Variants in PID1 observed in about 807,000 individuals in gnomAD.
The protein encoded by PID1 is PTB-containing, cubilin and LRP1-interacting protein.
PID1 carries 10 observed loss-of-function variants against 19.1 expected under a neutral mutation model. That is an observed-to-expected ratio of 0.52 (90% confidence interval 0.32 to 0.89). The LOEUF is 0.89. Among genes scored for constraint, PID1 ranks in the 40% least tolerant of loss-of-function variants. PID1 has a pLI of 0.03. For synonymous variants in PID1, 130 were observed against 116.0 expected (o/e 1.12, Z -0.78); for missense variants, 248 against 285.3 (o/e 0.87, Z 0.94).
intron 2 of PID1, among the ~76,000 whole-genome samples, chr2:229,068,413 G>C (rs570075571): frequency 6.7e-6 from 1 of 149,966 alleles, no homozygotes; most frequent in African/African-American, 2.5e-5. Flanking sequence ...TAGACTGTCC[G>C]GGTGTAACGA....
At chr2:229,077,091 T>G (rs967785371) in intron 2 of PID1, among the ~76,000 whole-genome samples, 2 of 152,214 alleles carry the variant, frequency 1.3e-5, no homozygotes, top group African/African-American at 2.4e-5. Flanking sequence ...CTATTCTAAC[T>G]GGCATGAGAT....
At chr2:229,030,724 T>C (rs948019650) in intron 2 of PID1, among the ~76,000 whole-genome samples, 5 of 152,110 alleles carry the variant, frequency 3.3e-5, no homozygotes, top group African/African-American at 1.2e-4. Context: ...AGTAGCAAAA[T>C]TTTGGTAACT....
At chr2:229,223,864 T>C (rs987213457) in intron 1 of PID1, among the ~76,000 whole-genome samples, 7 of 152,232 alleles carry the variant, frequency 4.6e-5, no homozygotes, top group African/African-American at 1.7e-4. Flanking sequence ...TTTGGGTTTC[T>C]AGCGGACACA....
At chr2:229,211,331 T>G (rs774617176) in intron 1 of PID1, among the ~76,000 whole-genome samples, 6 of 152,002 alleles carry the variant, frequency 3.9e-5, no homozygotes, top group Non-Finnish European at 7.4e-5. Context: ...TTCACTTACT[T>G]GTTCATTCAG....
chr2:229,139,960 T>A (rs995427688), intron 2 of PID1, among the ~76,000 whole-genome samples: 2 of 152,106 alleles, frequency 1.3e-5, no homozygotes, highest in Non-Finnish European at 2.9e-5. Flanking sequence ...GATCAGGATA[T>A]CTGACACCAG....
At chr2:229,256,875 T>C (rs1409746145) in intron 1 of PID1, among the ~76,000 whole-genome samples, 1 of 152,198 alleles carries the variant, frequency 6.6e-6, no homozygotes, top group Non-Finnish European at 1.5e-5. Context: ...TATCCTTATT[T>C]TTAAGTTGAG....
intron 2 of PID1, among the ~76,000 whole-genome samples, chr2:229,110,075 G>C (rs1347565346): frequency 6.6e-6 from 1 of 152,162 alleles, no homozygotes; most frequent in Non-Finnish European, 1.5e-5. Flanking sequence ...CACCCTACAA[G>C]ACAACTTCAG....
intron 2 of PID1, among the ~76,000 whole-genome samples, chr2:229,139,121 GAAAGAA>G (rs1689951779): frequency 1.9e-5 from 2 of 104,498 alleles, no homozygotes; most frequent in African/African-American, 3.9e-5. Flanking sequence ...GAAAGAGAAA[GAAAGAA>G]AGAAAGAAAG....
rs560476074 is a variant in PID1, at chr2:229,194,674, G to T, written c.31-38710C>A. Among the ~76,000 whole-genome samples, 7 of 151,918 alleles carry T rather than the reference G, an allele frequency of 4.6e-5. No individual in the cohort carries two copies. In the East Asian group the frequency reaches 1.4e-3, roughly 29 times the overall value. ...TCCCTATTTTTAAAAATTTCATAAT[G>T]TATATGAAATACATATAACAGAATG... On this transcript the variant is annotated intron_variant, in intron 1 of 2. Transcript: ENST00000392055.
At chr2:229,031,710 G>T (rs1344402867) in intron 2 of PID1, among the ~76,000 whole-genome samples, 1 of 152,172 alleles carries the variant, frequency 6.6e-6, no homozygotes, top group Non-Finnish European at 1.5e-5. Flanking sequence ...GAATGCAAAG[G>T]GATAAAATGA....
chr2:229,145,077 T>G (rs1690097184), intron 2 of PID1, among the ~76,000 whole-genome samples: 1 of 150,330 alleles, frequency 6.7e-6, no homozygotes, highest in Non-Finnish European at 1.5e-5. Flanking sequence ...TCAGTACAGA[T>G]TCCCCTAATG....
chr2:229,060,339 T>C (rs1252605230), intron 2 of PID1, among the ~76,000 whole-genome samples: 1 of 152,150 alleles, frequency 6.6e-6, no homozygotes, highest in African/African-American at 2.4e-5. Context: ...TCAACTCTTT[T>C]AGATTCTACA....
chr2:229,059,291 C>T (rs1694164111), intron 2 of PID1, among the ~76,000 whole-genome samples: 1 of 152,146 alleles, frequency 6.6e-6, no homozygotes, highest in South Asian at 2.1e-4. Flanking sequence ...ATGTCCCACA[C>T]AGTGACTTGA....
intron 2 of PID1, among the ~76,000 whole-genome samples, chr2:229,093,132 CTTTTTCTTTT>C (rs1230845678): frequency 1.7e-5 from 1 of 57,998 alleles, no homozygotes; most frequent in African/African-American, 4.6e-5. Flanking sequence ...CTTTCTTTTT[CTTTTTCTTTT>C]TTTTTTTTGA....
chr2:229,200,920 C>T (rs895277970), intron 1 of PID1, among the ~76,000 whole-genome samples: 1 of 151,994 alleles, frequency 6.6e-6, no homozygotes, highest in African/African-American at 2.4e-5. Flanking sequence ...ATGGAGAACA[C>T]AATGCAGAAT....
chr2:229,026,181 G>C (rs1276938923), intron 2 of PID1, 73 bp from the exon 3 acceptor site: 1 of 979,188 alleles, frequency 1.0e-6, no homozygotes, highest in African/African-American at 1.6e-5. Context: ...TGAATGAGTA[G>C]CTGTTCCACA....
rs143511032 is a variant in PID1 at position 229,150,595 on chromosome 2, T to C, written c.177+5223A>G. On this transcript the variant is annotated intron_variant, in intron 2 of 2. Transcript: ENST00000392055. ...CTTTTGTAACTCAGAGAAATCCTCA[T>C]GCTCAGAAATTAGCACCAATTACAA... Among the ~76,000 whole-genome samples the C allele has an allele frequency of 1.8e-3, 272 of 152,354 alleles. 2 individuals carry two copies. The highest frequency in any genetic ancestry group is 3.6e-3 in the Non-Finnish European group (244 of 68,022).
At position 229,159,806 on chromosome 2, in the gene PID1, T is replaced by A. The variant is rs116826381; in HGVS notation, c.31-3842A>T. 4.4e-3 allele frequency among the ~76,000 whole-genome samples: 663 copies of A among 152,294 alleles called. 4 individuals are homozygous for A. Among genetic ancestry groups the A allele is most frequent in the African/African-American group, 0.016 (650 of 41,572 alleles). ...AAAGAAAAGTAAGAGCAAGTCTTCGTATTTCTTCCAGAAACTTCGTAATCT... is the reference window on the plus strand; with the variant it reads ...AAAGAAAAGTAAGAGCAAGTCTTCGAATTTCTTCCAGAAACTTCGTAATCT... On this transcript the variant is annotated intron_variant, in intron 1 of 2. Transcript: ENST00000392055.
chr2:229,037,496 A>C (rs1250345939), intron 2 of PID1, among the ~76,000 whole-genome samples: 1 of 152,306 alleles, frequency 6.6e-6, no homozygotes, highest in Non-Finnish European at 1.5e-5. Context: ...CTTACCAAGC[A>C]GTCCCCATGT....
Sources: gnomAD v4.1 joint callset for allele counts (sites outside exome capture counted in the v4.1 genomes callset) on GRCh38, gnomAD v4.1.1 for gene constraint, MANE v1.5 for transcripts, NCBI Gene and HGNC (gene_info 2026-07-23, HGNC 2026-07-21) for gene names.